Variants in ASAP3 observed in about 807,000 individuals in gnomAD.
ASAP3 encodes ArfGAP with SH3 domain, ankyrin repeat and PH domain 3, also known as arf-GAP with SH3 domain, ANK repeat and PH domain-containing protein 3.
In ASAP3, 85 loss-of-function variants were observed where a neutral mutation model predicts 118.2. The observed-to-expected ratio is 0.72, with a 90% CI of 0.60 to 0.86. The LOEUF (loss-of-function observed/expected upper bound fraction) is 0.86. Among genes scored for constraint, ASAP3 ranks in the 40% least tolerant of loss-of-function variants. The pLI, the probability that ASAP3 is intolerant of heterozygous loss-of-function variation, is 0.00. For synonymous variants in ASAP3, 432 were observed against 477.4 expected (o/e 0.90, Z 1.24); for missense variants, 1,026 against 1,175.0 (o/e 0.87, Z 1.85).
intron 1 of ASAP3, among the ~76,000 whole-genome samples, chr1:23,474,771 C>T (rs556206828): frequency 2.5e-3 from 373 of 151,672 alleles, no homozygotes; most frequent in African/African-American, 8.3e-3. Flanking sequence ...TTTAGTGAGA[C>T]GGGGTTTCGC....
At chr1:23,451,619 T>G (rs1164327036) in intron 4 of ASAP3, 91 bp from the exon 5 acceptor site, 1 of 1,387,248 alleles carries the variant, frequency 7.2e-7, no homozygotes, top group African/African-American at 1.4e-5. Context: ...GACCTGCTAG[T>G]GTGCTCCCCT....
At position 23,434,532 on chromosome 1, in the gene ASAP3, C is replaced by G. The variant is rs1455674664; in HGVS notation, c.1835+1G>C. ...AGACAGACAGGCAGGGAGGCTCTCA[C>G]CCGTTCTGGATGATGAAATCCACCA... is the stretch of plus-strand genomic sequence containing the variant. On this transcript the variant is annotated splice_donor_variant, in intron 18 of 24. Transcript: ENST00000336689. LOFTEE classifies it high-confidence loss of function. 1.2e-6 allele frequency: 2 copies of G among 1,613,924 alleles called. No homozygotes were observed. The highest frequency in any genetic ancestry group is 1.7e-6 in the Non-Finnish European group (2 of 1,179,994).
In ASAP3 at chr1:23,436,699, G is replaced by C; in HGVS notation, c.1477-45C>G. 4.4e-6 allele frequency: 7 copies of C among 1,608,836 alleles called. No individual in the cohort carries two copies. The highest frequency in any genetic ancestry group is 5.1e-6 in the Non-Finnish European group (6 of 1,175,338). On this transcript the variant is annotated intron_variant, in intron 15 of 24. Coordinates refer to ENST00000336689, the MANE Select transcript of ASAP3 (RefSeq NM_017707.4). The surrounding 1 kb of genome is among the most constrained non-coding windows in gnomAD (Gnocchi z 4.2). ...GACGTGGGGCGGAGTAAGACCGGGC[G>C]GTTAAGCCTGCATAGGGTGGAGCTC... is the stretch of plus-strand genomic sequence containing the variant.
intron 5 of ASAP3, among the ~76,000 whole-genome samples, chr1:23,446,030 C>T (rs1641036988): frequency 6.6e-6 from 1 of 152,014 alleles, no homozygotes; most frequent in Non-Finnish European, 1.5e-5. Flanking sequence ...ATTGGCCCTC[C>T]ATATCTGTGG....
At chr1:23,429,990 TCTCA>T (rs1553171136) in intron 24 of ASAP3, 60 bp from the exon 25 acceptor site, 49 of 1,368,800 alleles carry the variant, frequency 3.6e-5, no homozygotes, top group Non-Finnish European at 5.0e-5. Context: ...CAGGTGTTCA[TCTCA>T]CTCAGTTTCA....
chr1:23,465,009 G>GTGA (rs1353694862), intron 1 of ASAP3, among the ~76,000 whole-genome samples: 2 of 152,172 alleles, frequency 1.3e-5, no homozygotes, highest in Non-Finnish European at 2.9e-5. Context: ...GGTACCTGAT[G>GTGA]TGATCTCTCA....
rs74563739 is a variant in ASAP3, at chr1:23,458,247, G to C, written c.130-2053C>G. Among the ~76,000 whole-genome samples, 419 of 152,312 alleles carry C rather than the reference G, an allele frequency of 2.8e-3. 1 individual carries two copies. Among genetic ancestry groups the C allele is most frequent in the African/African-American group, 8.7e-3 (360 of 41,560 alleles). Reference sequence around the variant, plus strand: ...TATAATCCCAGCACTTTGGGAGGCAGAAACAGGAGGATCACTTGAGGCCAG... The same window carrying C: ...TATAATCCCAGCACTTTGGGAGGCACAAACAGGAGGATCACTTGAGGCCAG... On this transcript the variant is annotated intron_variant, in intron 1 of 24. Transcript: ENST00000336689.
At chr1:23,460,031 T>C (rs975220300) in intron 1 of ASAP3, among the ~76,000 whole-genome samples, 1 of 152,192 alleles carries the variant, frequency 6.6e-6, no homozygotes. Context: ...CCAAAAAGTA[T>C]CTTACAAAGA....
chr1:23,433,610 C>G lies in ASAP3; in HGVS notation c.2019+16G>C, dbSNP rs768884221. On this transcript the variant is annotated intron_variant, in intron 20 of 24. Transcript: ENST00000336689. ...AGAGAAAGAGTCAGGGGCCCCTTGCCTCCCCGAGTCCTCACCAGCTCCTCA... is the reference window on the plus strand; with the variant it reads ...AGAGAAAGAGTCAGGGGCCCCTTGCGTCCCCGAGTCCTCACCAGCTCCTCA... 1.9e-6 allele frequency: 3 copies of G among 1,614,250 alleles called. No homozygotes were observed. In the East Asian group the frequency reaches 6.7e-5, roughly 36 times the overall value.
intron 1 of ASAP3, among the ~76,000 whole-genome samples, chr1:23,479,382 G>A (rs1457555250): frequency 2.0e-5 from 3 of 152,124 alleles, no homozygotes; most frequent in Non-Finnish European, 4.4e-5. Flanking sequence ...TTTACCTCCG[G>A]CTCTTCAGTC....
rs1641257211 is a variant in ASAP3 at position 23,452,682 on chromosome 1, A to G, written c.423+15T>C. ...TTTACTCTGTCCCACCACCACTCCC[A>G]GCATGGAGACTCACCTGTCGACCGT... On this transcript the variant is annotated intron_variant, in intron 4 of 24. Transcript: ENST00000336689. The G allele has an allele frequency of 6.2e-7, 1 of 1,611,026 alleles. No homozygotes were observed. The highest frequency in any genetic ancestry group is 8.5e-7 in the Non-Finnish European group (1 of 1,178,110).
intron 10 of ASAP3, among the ~76,000 whole-genome samples, chr1:23,439,654 T>C (rs1640794698): frequency 1.3e-5 from 2 of 152,172 alleles, no homozygotes; most frequent in South Asian, 4.1e-4. Flanking sequence ...AAAATAAAAT[T>C]AGCAAGTCCA....
At chr1:23,447,918 T>C (rs888976242) in intron 5 of ASAP3, among the ~76,000 whole-genome samples, 2 of 152,142 alleles carry the variant, frequency 1.3e-5, no homozygotes, top group African/African-American at 2.4e-5. Flanking sequence ...AGATAATTCA[T>C]AGAGATTTTC....
intron 1 of ASAP3, among the ~76,000 whole-genome samples, chr1:23,465,489 TTTTCTTTTTTTTC>T (rs1641736702): frequency 6.6e-6 from 1 of 152,034 alleles, no homozygotes; most frequent in Non-Finnish European, 1.5e-5. Flanking sequence ...CTGTAACTTT[TTTTCTTTTTTTTC>T]TTTCTTTTTT....
chr1:23,437,605 TGGGA>T lies in ASAP3; in HGVS notation c.1103-137_1103-134del. 1.8e-6 allele frequency: 2 copies of T among 1,127,984 alleles called. No individual in the cohort carries two copies. The highest frequency in any genetic ancestry group is 2.5e-6 in the Non-Finnish European group (2 of 794,238). 69.9% of individuals were successfully genotyped at this position (1,127,984 alleles called of 1,614,324 possible). On this transcript the variant is annotated intron_variant, in intron 12 of 24. Coordinates refer to ENST00000336689, the MANE Select transcript of ASAP3 (RefSeq NM_017707.4). This position sits in a 1 kb window ranked among gnomAD's most constrained non-coding sequence, Gnocchi z 6.1. ...ACAAGTCGGACTCTCAAGCTAGGAG[TGGGA>T]AGGGAGTGGAATGACAGTGGCCAGC...
rs201264216 is a variant in ASAP3, at chr1:23,431,771, T to G, written c.2471A>C (p.Glu824Ala). Residue 824 changes from glutamate to alanine, a missense_variant, in exon 23 of 25, where the codon GAG becomes GCG. Transcript: ENST00000336689. ...GCTGGGTCTGGAGGTGCCTGGGGGC[T>G]CTCGGAGGCCCTCTTCAGAGTTGGG... ...APPNSEEGLR[E>A]PPGTSRPSLT... 9.8e-6 allele frequency: 15 copies of G among 1,527,280 alleles called. No homozygotes were observed. In the Admixed American group the frequency reaches 3.2e-4, roughly 33 times the overall value. 94.6% of individuals were successfully genotyped at this position (1,527,280 alleles called of 1,614,324 possible).
intron 1 of ASAP3, among the ~76,000 whole-genome samples, chr1:23,466,347 T>G (rs1641769833): frequency 6.6e-6 from 1 of 152,248 alleles, no homozygotes; most frequent in South Asian, 2.1e-4. Context: ...AATGGATCCA[T>G]GCAAGAGCCT....
intron 1 of ASAP3, among the ~76,000 whole-genome samples, chr1:23,469,275 C>T (rs1641886654): frequency 6.6e-6 from 1 of 152,150 alleles, no homozygotes; most frequent in South Asian, 2.1e-4. Context: ...CACTGCACTC[C>T]AGCCTGAGCA....
At position 23,428,988 on chromosome 1, in the gene ASAP3, G is replaced by A. The variant is rs1270981444; in HGVS notation, c.*868C>T. The A allele has an allele frequency of 1.9e-5, 3 of 154,888 alleles. No individual in the cohort carries two copies. In the Admixed American group the frequency reaches 2.0e-4, roughly 10 times the overall value. The allele number at this position is 154,888 out of a possible 1,614,324, so 9.6% of individuals were successfully genotyped here. On this transcript the variant is annotated 3_prime_UTR_variant, in exon 25 of 25. Coordinates refer to ENST00000336689, the MANE Select transcript of ASAP3 (RefSeq NM_017707.4). ...TAAAAGGCTCCTGAGTTGACCAAGAGAAAGAGAAGAGAAGTGGGCATCCAT... is the reference window on the plus strand; with the variant it reads ...TAAAAGGCTCCTGAGTTGACCAAGAAAAAGAGAAGAGAAGTGGGCATCCAT...
Sources: gnomAD v4.1 joint callset for allele counts (sites outside exome capture counted in the v4.1 genomes callset) on GRCh38, gnomAD v4.1.1 for gene constraint, Gnocchi (gnomAD v3.1) non-coding constraint, MANE v1.5 for transcripts, NCBI Gene and HGNC (gene_info 2026-07-23, HGNC 2026-07-21) for gene names.